KPNA3: variants seen among roughly 807,000 people sequenced by gnomAD.
The protein encoded by KPNA3 is importin subunit alpha-4.
Under a neutral mutation model 73.8 loss-of-function variants are expected in KPNA3, and 13 were observed. The observed-to-expected ratio is 0.18, with a 90% CI of 0.11 to 0.28. The LOEUF (loss-of-function observed/expected upper bound fraction) is 0.28, where lower values mean the gene tolerates loss of function less well. KPNA3 is among the 10% of genes least tolerant of loss of function. The probability of loss-of-function intolerance (pLI) is 1.00; values close to 1 mark genes in which losing one functional copy is unlikely to be tolerated. For missense variants in KPNA3, 360 were observed against 618.1 expected (o/e 0.58, Z 4.43); for synonymous variants, 186 against 206.9 (o/e 0.90, Z 0.87).
intron 2 of KPNA3, among the ~76,000 whole-genome samples, chr13:49,744,692 C>T (rs867156096): frequency 3.3e-5 from 5 of 152,146 alleles, no homozygotes; most frequent in African/African-American, 9.6e-5. Flanking sequence ...AGGATGGTCT[C>T]GAACTCTTGA....
rs60494803 is a variant in KPNA3 at position 49,775,162 on chromosome 13, C to CA, written c.69+17275dup. Among the ~76,000 whole-genome samples the CA allele has an allele frequency of 3.7e-3, 344 of 92,958 alleles. 6 individuals are homozygous for CA. The highest frequency in any genetic ancestry group is 4.9e-3 in the African/African-American group (100 of 20,292). 61.0% of individuals were successfully genotyped at this position (92,958 alleles called of 152,430 possible). ...CAGACGACAGAGTGAGACTCTGTCT[C>CA]AAAAAAAAAAAAAAAAAAAAAAAAG... On this transcript the variant is annotated intron_variant, in intron 1 of 16. Coordinates refer to ENST00000261667, the MANE Select transcript of KPNA3 (RefSeq NM_002267.4).
chr13:49,780,024 A>G (rs889269531), intron 1 of KPNA3, among the ~76,000 whole-genome samples: 3 of 151,960 alleles, frequency 2.0e-5, no homozygotes, highest in African/African-American at 7.3e-5. Context: ...TTCTCCTAAT[A>G]TGATTTGGTT....
intron 7 of KPNA3, among the ~76,000 whole-genome samples, chr13:49,724,639 C>T (rs1002371934): frequency 3.3e-5 from 5 of 152,000 alleles, no homozygotes; most frequent in East Asian, 1.9e-4. Context: ...ACTCTGTCGC[C>T]GGGGCTGGAA....
intron 10 of KPNA3, among the ~76,000 whole-genome samples, chr13:49,717,483 C>T (rs1342562597): frequency 6.7e-6 from 1 of 150,320 alleles, no homozygotes; most frequent in African/African-American, 2.4e-5. Flanking sequence ...AAATTAACTC[C>T]TTAGCGAACG....
chr13:49,706,244 C>G, intron 13 of KPNA3, 24 bp downstream of exon 13: 1 of 1,609,238 alleles, frequency 6.2e-7, no homozygotes, highest in Non-Finnish European at 8.5e-7. Flanking sequence ...TTAACAGACA[C>G]GGTGAACTCA....
At chr13:49,719,406 T>C (rs992104354) in intron 10 of KPNA3, among the ~76,000 whole-genome samples, 5 of 152,268 alleles carry the variant, frequency 3.3e-5, no homozygotes, top group Non-Finnish European at 1.5e-5. Flanking sequence ...TTTCTTCTTA[T>C]TCTATAAAAT....
At chr13:49,732,883 T>C in intron 3 of KPNA3, 74 bp downstream of exon 3, 1 of 1,343,862 alleles carries the variant, frequency 7.4e-7, no homozygotes, top group Non-Finnish European at 1.0e-6. Context: ...AAAGTTGGTC[T>C]TATATTAAAA....
At chr13:49,706,447 TAGACAATA>T (rs1954208365) in intron 12 of KPNA3, 75 bp from the exon 13 acceptor site, 3 of 999,022 alleles carry the variant, frequency 3.0e-6, no homozygotes, top group Non-Finnish European at 1.5e-6. Context: ...ATATTTTATA[TAGACAATA>T]ACAAAATCAC....
intron 10 of KPNA3, among the ~76,000 whole-genome samples, chr13:49,713,735 A>G (rs1317235688): frequency 6.6e-6 from 1 of 151,658 alleles, no homozygotes; most frequent in Non-Finnish European, 1.5e-5. Flanking sequence ...ACAGAGTCTC[A>G]CTCTGTCACC....
chr13:49,759,235 A>G (rs1954737867), intron 1 of KPNA3, among the ~76,000 whole-genome samples: 1 of 152,218 alleles, frequency 6.6e-6, no homozygotes, highest in African/African-American at 2.4e-5. Context: ...TGATAAAGGA[A>G]AAGAATCAAG....
At chr13:49,721,863 A>AG in intron 9 of KPNA3, 92 bp downstream of exon 9, 1 of 784,340 alleles carries the variant, frequency 1.3e-6, no homozygotes, top group Non-Finnish European at 1.9e-6. Flanking sequence ...CAATGAAATC[A>AG]GTATATGTAT....
At chr13:49,719,684 A>G (rs2137542518) in intron 10 of KPNA3, 91 bp downstream of exon 10, 2 of 853,738 alleles carry the variant, frequency 2.3e-6, no homozygotes, top group East Asian at 5.1e-5. Flanking sequence ...GAAACTTGAC[A>G]AGTTGATAAA....
At chr13:49,754,361 G>C (rs79089504) in intron 1 of KPNA3, among the ~76,000 whole-genome samples, 31,289 of 151,898 alleles carry the variant, frequency 0.21, 3,596 homozygotes, top group Middle Eastern at 0.27. Context: ...CTATTAACTG[G>C]TGAGAAAAGG....
intron 9 of KPNA3, 21 bp downstream of exon 9, chr13:49,721,933 GC>G (rs752610977): frequency 2.7e-6 from 4 of 1,477,506 alleles, no homozygotes; most frequent in Non-Finnish European, 3.6e-6. Flanking sequence ...ATACCATCTG[GC>G]CTTTACAATT....
intron 2 of KPNA3, among the ~76,000 whole-genome samples, chr13:49,733,282 G>GTTTTTTTTTT (rs760449062): frequency 2.0e-5 from 2 of 100,918 alleles, no homozygotes; most frequent in Non-Finnish European, 1.9e-5. Context: ...CCACTGTGGT[G>GTTTTTTTTTT]TTTTTTTTTT....
chr13:49,732,123 A>G (rs1173647398), intron 6 of KPNA3, among the ~76,000 whole-genome samples: 1 of 152,242 alleles, frequency 6.6e-6, no homozygotes, highest in African/African-American at 2.4e-5. Flanking sequence ...AATATTTGAG[A>G]TAAGTTAAAA....
At chr13:49,703,692 A>C (rs768902041) in intron 15 of KPNA3, among the ~76,000 whole-genome samples, 28 of 152,220 alleles carry the variant, frequency 1.8e-4, no homozygotes, top group Non-Finnish European at 3.1e-4. Context: ...AAATATTTCC[A>C]GAACAGATAT....
chr13:49,734,954 T>TAGTGAGAGAGAGAG (rs1954508086), intron 2 of KPNA3, among the ~76,000 whole-genome samples: 1 of 145,840 alleles, frequency 6.9e-6, no homozygotes, highest in East Asian at 2.0e-4. Context: ...GAGAGATAGA[T>TAGTGAGAGAGAGAG]AGAGAGAGAG....
At chr13:49,748,519 T>C (rs1158649607) in intron 1 of KPNA3, among the ~76,000 whole-genome samples, 1 of 152,116 alleles carries the variant, frequency 6.6e-6, no homozygotes, top group Admixed American at 6.5e-5. Context: ...CAGTGTGCTA[T>C]ATTTTATTTA....
Sources: gnomAD v4.1 joint callset for allele counts (sites outside exome capture counted in the v4.1 genomes callset) on GRCh38, gnomAD v4.1.1 for gene constraint, MANE v1.5 for transcripts, NCBI Gene and HGNC (gene_info 2026-07-23, HGNC 2026-07-21) for gene names.